The following ATP13A5 variants were observed in gnomAD, a reference collection of about 807,000 sequenced individuals.
ATP13A5 encodes the protein ATPase 13A5.
Under a neutral mutation model 150.2 loss-of-function variants are expected in ATP13A5, and 149 were observed. The ratio of observed to expected loss-of-function variants is 0.99; its 90% CI spans 0.87 to 1.14. ATP13A5 has a LOEUF of 1.14. Among genes scored for constraint, ATP13A5 ranks in the 50% most tolerant of loss-of-function variants. The pLI, the probability that ATP13A5 is intolerant of heterozygous loss-of-function variation, is 0.00. For synonymous variants in ATP13A5, 497 were observed against 522.2 expected, an observed-to-expected ratio of 0.95 and a Z score of 0.66; for missense variants, 1,383 against 1,449.3, an observed-to-expected ratio of 0.95 and a Z score of 0.74.
chr3:193,308,914 A>G (rs1316439033), intron 21 of ATP13A5, among the ~76,000 whole-genome samples: 1 of 152,226 alleles, frequency 6.6e-6, no homozygotes, highest in African/African-American at 2.4e-5. Context: ...TCATTTAGTC[A>G]CTGGTTACTT....
intron 14 of ATP13A5, among the ~76,000 whole-genome samples, chr3:193,324,323 T>A (rs1217869885): frequency 6.6e-6 from 1 of 152,220 alleles, no homozygotes. Context: ...TGTAGCTATT[T>A]AAATTTAAAC....
intron 9 of ATP13A5, among the ~76,000 whole-genome samples, chr3:193,340,373 T>C (rs1712069591): frequency 6.6e-6 from 1 of 152,012 alleles, no homozygotes; most frequent in Non-Finnish European, 1.5e-5. Flanking sequence ...TTTTATTGAG[T>C]AAATGGATGA....
rs892620980 is a variant in ATP13A5, at chr3:193,285,213, C to T, written c.3024-97G>A. 26 of 1,002,252 alleles carry T rather than the reference C, an allele frequency of 2.6e-5. No homozygotes were observed. In the African/African-American group the frequency reaches 4.1e-4, roughly 16 times the overall value. 62.1% of individuals were successfully genotyped at this position (1,002,252 alleles called of 1,614,324 possible). ...TTTAATCACTACCATGGGATTTTAG[C>T]TTTCAAACTATGTCAGCCAGTAACT... On this transcript the variant is annotated intron_variant, in intron 26 of 29. Coordinates refer to ENST00000342358, the MANE Select transcript of ATP13A5 (RefSeq NM_198505.4).
Position 193,284,918 on chromosome 3 carries a change from T to C in ATP13A5, c.3222A>G (p.Thr1074=). 1 of 1,610,884 alleles carries C rather than the reference T, an allele frequency of 6.2e-7. No individual in the cohort carries two copies. The highest frequency in any genetic ancestry group is 8.5e-7 in the Non-Finnish European group (1 of 1,178,218). Residue 1074 remains threonine, a synonymous_variant, in exon 27 of 30, where the codon ACA becomes ACG. Coordinates refer to ENST00000342358, the MANE Select transcript of ATP13A5 (RefSeq NM_198505.4). ...AATTAAACTTTATATACTTACAGTT[T>C]GTATAGATGGGTTTTCGAAATGGCT... ...KGKPFRKPIY[T]NYIFSFLLLA...
At chr3:193,278,205 C>T (rs1448811716) in intron 28 of ATP13A5, among the ~76,000 whole-genome samples, 2 of 152,206 alleles carry the variant, frequency 1.3e-5, no homozygotes, top group Non-Finnish European at 2.9e-5. Context: ...GTACCAAACT[C>T]ACTCTGGAGC....
chr3:193,335,063 T>C lies in ATP13A5; in HGVS notation c.980A>G (p.Gln327Arg), dbSNP rs1360384449. ...TTTCCAAGGCATAGTGTTCTCCATCTGGGGCAATGGTGTCTTTGTAACAGG... is the reference window on the plus strand; with the variant it reads ...TTTCCAAGGCATAGTGTTCTCCATCCGGGGCAATGGTGTCTTTGTAACAGG... ...SIPVTKTPLP[Q>R]MENTMPWKCH... The change falls in exon 10 of 30, where the codon CAG (glutamine) becomes CGG (arginine). Residue 327 changes from glutamine to arginine, a missense_variant. This residue lies in a region of ATP13A5 where 787 missense variants were observed against 771.9 expected (regional missense o/e 1.02). Transcript: ENST00000342358. 1 of 1,613,912 alleles carries C rather than the reference T, an allele frequency of 6.2e-7. No individual in the cohort carries two copies. The highest frequency in any genetic ancestry group is 2.2e-5 in the East Asian group (1 of 44,882).
At chr3:193,378,381 C>A (rs149679967) in intron 1 of ATP13A5, among the ~76,000 whole-genome samples, 5 of 152,146 alleles carry the variant, frequency 3.3e-5, no homozygotes, top group African/African-American at 1.2e-4. Flanking sequence ...GAGCACCATG[C>A]GGGGCTCTGC....
chr3:193,283,104 G>T (rs2108819151), intron 27 of ATP13A5, among the ~76,000 whole-genome samples: 1 of 152,178 alleles, frequency 6.6e-6, no homozygotes, highest in African/African-American at 2.4e-5. Context: ...TAATATAAAT[G>T]ATGTACAGAC....
intron 21 of ATP13A5, 51 bp from the exon 22 acceptor site, chr3:193,307,420 C>T (rs1235667651): frequency 6.3e-7 from 1 of 1,597,718 alleles, no homozygotes; most frequent in Non-Finnish European, 8.6e-7. Flanking sequence ...ATGAACAGCT[C>T]ACTTGAATAT....
At position 193,350,281 on chromosome 3, in the gene ATP13A5, T is replaced by C. The variant is rs117828404; in HGVS notation, c.741+786A>G. Among the ~76,000 whole-genome samples, 12 of 152,250 alleles carry C rather than the reference T, an allele frequency of 7.9e-5. No homozygotes were observed. The East Asian group carries it at 2.3e-3, about 29-fold the overall frequency. On this transcript the variant is annotated intron_variant, in intron 7 of 29. Transcript: ENST00000342358. ...GATGGCATTAATAAATAAATACATA[T>C]ATCTGGGACCTTCGTGTTTGAATTT...
chr3:193,299,147 C>A lies in ATP13A5; in HGVS notation c.2832G>T (p.Leu944Phe), dbSNP rs755856909. The A allele has an allele frequency of 6.2e-7, 1 of 1,608,374 alleles. No individual in the cohort carries two copies. The highest frequency in any genetic ancestry group is 1.1e-5 in the South Asian group (1 of 89,742). Residue 944 changes from leucine (L) to phenylalanine (F), a missense_variant, in exon 25 of 30, where the codon TTG (leucine) becomes TTT (phenylalanine). Transcript: ENST00000342358. ...QYLMQDVAIT[L>F]MVCLTMSSTH... ...AGAGCTTACTTGTTAAACAGACCAT[C>A]AAAGTAATGGCTACATCTTGCATGA...
intron 24 of ATP13A5, among the ~76,000 whole-genome samples, chr3:193,299,784 T>C (rs1577334010): frequency 6.6e-6 from 1 of 152,296 alleles, no homozygotes; most frequent in Admixed American, 6.5e-5. Flanking sequence ...TATTTAGATA[T>C]GAAAGTCAAA....
At chr3:193,376,861 C>T (rs973655120) in intron 1 of ATP13A5, among the ~76,000 whole-genome samples, 2 of 152,190 alleles carry the variant, frequency 1.3e-5, no homozygotes, top group African/African-American at 2.4e-5. Flanking sequence ...CTGTGGATTA[C>T]CTGATCAACC....
At chr3:193,324,493 G>C (rs1159384090) in intron 14 of ATP13A5, among the ~76,000 whole-genome samples, 1 of 152,162 alleles carries the variant, frequency 6.6e-6, no homozygotes, top group Non-Finnish European at 1.5e-5. Context: ...ATGTTTTGGA[G>C]AACATGCTGG....
chr3:193,344,116 A>G, intron 8 of ATP13A5, 61 bp from the exon 9 acceptor site: 9 of 1,576,228 alleles, frequency 5.7e-6, no homozygotes, highest in Non-Finnish European at 7.7e-6. Context: ...TTAAGAATGA[A>G]GGCAACTAAG....
intron 25 of ATP13A5, among the ~76,000 whole-genome samples, chr3:193,298,121 A>G (rs1718246146): frequency 6.6e-6 from 1 of 152,084 alleles, no homozygotes; most frequent in Non-Finnish European, 1.5e-5. Context: ...ACAGGCCACA[A>G]TAGCCATGGC....
intron 23 of ATP13A5, among the ~76,000 whole-genome samples, chr3:193,303,791 G>T (rs1718500602): frequency 6.6e-6 from 1 of 151,450 alleles, no homozygotes; most frequent in African/African-American, 2.4e-5. Flanking sequence ...GTATGTGTGT[G>T]TGTATATAAA....
chr3:193,313,315 C>T (rs879918786), intron 19 of ATP13A5: 1 of 152,224 alleles, frequency 6.6e-6, no homozygotes, highest in Non-Finnish European at 1.5e-5. Flanking sequence ...CCGCTCTATA[C>T]TTAACAATCT....
intron 9 of ATP13A5, among the ~76,000 whole-genome samples, chr3:193,337,064 G>A (rs527567566): frequency 2.0e-5 from 3 of 152,058 alleles, no homozygotes; most frequent in East Asian, 1.9e-4. Flanking sequence ...CATATCCTTC[G>A]CCCACTTTTT....
Sources: allele counts gnomAD v4.1 joint callset (sites outside exome capture counted in the v4.1 genomes callset), GRCh38; gene constraint gnomAD v4.1.1; regional missense constraint gnomAD v4.1.1; transcripts MANE v1.5; gene names NCBI Gene and HGNC (gene_info 2026-07-23, HGNC 2026-07-21).